Variants in IGDCC3 observed in about 807,000 individuals in gnomAD.
The protein encoded by IGDCC3 is putative neuronal cell adhesion molecule.
A neutral mutation model predicts 72.0 loss-of-function variants in IGDCC3; 47 were observed. The ratio of observed to expected loss-of-function variants is 0.65; its 90% CI spans 0.52 to 0.83. The LOEUF (loss-of-function observed/expected upper bound fraction) is 0.83. IGDCC3 is among the 40% of genes least tolerant of loss of function. IGDCC3 has a pLI of 0.00. For missense variants in IGDCC3, 1,038 were observed against 1,091.3 expected (o/e 0.95, Z 0.69); for synonymous variants, 477 against 472.8 (o/e 1.01, Z -0.11).
At chr15:65,337,241 T>C (rs1003881159) in intron 2 of IGDCC3, among the ~76,000 whole-genome samples, 8 of 152,246 alleles carry the variant, frequency 5.3e-5, no homozygotes, top group Non-Finnish European at 1.2e-4. Context: ...CATTTGCATG[T>C]GGTTCATTAA....
chr15:65,355,941 C>A (rs1043182010), intron 2 of IGDCC3: 2 of 297,994 alleles, frequency 6.7e-6, no homozygotes, highest in Admixed American at 7.6e-5. Context: ...GAAGCGGTGC[C>A]TGTCTCCCCG....
At chr15:65,342,912 C>T (rs1391207326) in intron 2 of IGDCC3, among the ~76,000 whole-genome samples, 1 of 152,062 alleles carries the variant, frequency 6.6e-6, no homozygotes, top group African/African-American at 2.4e-5. Flanking sequence ...GGGTTCACCT[C>T]GACCTCTTGG....
In IGDCC3 at chr15:65,345,589, C is replaced by T. The variant is rs1050770465; in HGVS notation, c.410-9633G>A. ...ACACACACACACACACGCACACACA[C>T]GCATGCACACACAGACACGCACAAA... On this transcript the variant is annotated intron_variant, in intron 2 of 13. Coordinates refer to ENST00000327987, the MANE Select transcript of IGDCC3 (RefSeq NM_004884.4). Among the ~76,000 whole-genome samples, 31 of 150,680 alleles carry T rather than the reference C, an allele frequency of 2.1e-4. No homozygotes were observed. The South Asian group carries it at 2.9e-3, about 14-fold the overall frequency.
At chr15:65,330,489 T>A (rs1200516621) in intron 10 of IGDCC3, 61 bp downstream of exon 10, 53 of 1,582,362 alleles carry the variant, frequency 3.3e-5, no homozygotes, top group Non-Finnish European at 4.1e-5. Context: ...GTACGCCACC[T>A]CCTGGCCCTC....
rs755980009 is a variant in IGDCC3, at chr15:65,329,690, C to A, written c.1997+36G>T. ...CCTTCTCTAGGCCTAGTCCCCCACACACCAGCCCAGCCCCTCTCCCTGGCC... is the reference window on the plus strand; with the variant it reads ...CCTTCTCTAGGCCTAGTCCCCCACAAACCAGCCCAGCCCCTCTCCCTGGCC... On this transcript the variant is annotated intron_variant, in intron 12 of 13. Coordinates refer to ENST00000327987, the MANE Select transcript of IGDCC3 (RefSeq NM_004884.4). This position sits in a 1 kb window ranked among gnomAD's most constrained non-coding sequence, Gnocchi z 4.1. 1 of 1,613,576 alleles carries A rather than the reference C, an allele frequency of 6.2e-7. No individual in the cohort carries two copies. The highest frequency in any genetic ancestry group is 2.2e-5 in the East Asian group (1 of 44,880).
intron 2 of IGDCC3, among the ~76,000 whole-genome samples, chr15:65,363,758 T>C (rs1429135556): frequency 6.6e-6 from 1 of 152,050 alleles, no homozygotes; most frequent in Non-Finnish European, 1.5e-5. Flanking sequence ...AGAGTAATTA[T>C]GACAGATGTG....
intron 2 of IGDCC3, among the ~76,000 whole-genome samples, chr15:65,352,035 G>C (rs929347166): frequency 1.3e-5 from 2 of 152,174 alleles, no homozygotes; most frequent in East Asian, 3.8e-4. Context: ...CATTAGAATA[G>C]AGGAAACAAC....
intron 2 of IGDCC3, among the ~76,000 whole-genome samples, chr15:65,346,426 C>T (rs892082473): frequency 3.3e-5 from 5 of 150,916 alleles, no homozygotes; most frequent in Admixed American, 6.6e-5. Context: ...ATGCTAGTGG[C>T]GTCCATGGAG....
At position 65,375,338 on chromosome 15, in the gene IGDCC3, C is replaced by T; in HGVS notation, c.168G>A (p.Gly56=). The T allele has an allele frequency of 6.2e-7, 1 of 1,611,098 alleles. No individual in the cohort carries two copies. Among genetic ancestry groups the T allele is most frequent in the Non-Finnish European group, 8.5e-7 (1 of 1,177,894 alleles). Residue 56 remains glycine, a synonymous_variant, in exon 2 of 14, where the codon GGG becomes GGA. Transcript: ENST00000327987. ...CCCTGCAGTCCAGCACTATAGGCTG[C>T]CCGGGGACGGCAACATCATCACTTG... ...VEPSDDVAVP[G]QPIVLDCRVE...
At chr15:65,370,560 A>ATATATATATGTATG (rs1326175110) in intron 2 of IGDCC3, among the ~76,000 whole-genome samples, 3 of 130,208 alleles carry the variant, frequency 2.3e-5, no homozygotes, top group Non-Finnish European at 3.1e-5. Flanking sequence ...GTGTGTGTGT[A>ATATATATATGTATG]TATATATATG....
At position 65,377,743 on chromosome 15, in the gene IGDCC3, G is replaced by T; in HGVS notation, c.46C>A (p.Leu16Ile). 7.6e-7 allele frequency: 1 copy of T among 1,322,836 alleles called. No individual in the cohort carries two copies. Among genetic ancestry groups the T allele is most frequent in the Non-Finnish European group, 9.6e-7 (1 of 1,042,130 alleles). The allele number at this position is 1,322,836 out of a possible 1,614,324, so 81.9% of individuals were successfully genotyped here. A position where few individuals can be genotyped will look rare whatever the true frequency, so the allele number is the denominator to read the frequency against. Residue 16 changes from leucine to isoleucine, a missense_variant, in exon 1 of 14, where the codon CTC becomes ATC. Leu to Ile is a conservative substitution (Grantham distance 5, BLOSUM62 2). Coordinates refer to ENST00000327987, the MANE Select transcript of IGDCC3 (RefSeq NM_004884.4). This position sits in a 1 kb window ranked among gnomAD's most constrained non-coding sequence, Gnocchi z 4.9. ...AGCGGCAGCAGGAGCCGGGGCCAGA[G>T]CGGGGCGGGCGGGCGGCGCGGAGAC... ...AASPRRPPAP[L>I]WPRLLLPLLL...
intron 2 of IGDCC3, among the ~76,000 whole-genome samples, chr15:65,358,161 G>A (rs1464834572): frequency 6.6e-6 from 1 of 150,414 alleles, no homozygotes; most frequent in Admixed American, 6.6e-5. Flanking sequence ...GCTGGAGTAC[G>A]GTGGCGTGAT....
chr15:65,361,151 C>T (rs1259826111), intron 2 of IGDCC3, among the ~76,000 whole-genome samples: 1 of 152,020 alleles, frequency 6.6e-6, no homozygotes, highest in Non-Finnish European at 1.5e-5. Context: ...TCTGGCCTAC[C>T]GGCACAGTGG....
Position 65,329,125 on chromosome 15 carries a change from C to G in IGDCC3, c.2229G>C (p.Pro743=). The change falls in exon 14 of 14, where the codon CCG becomes CCC. Residue 743 remains proline (P), a synonymous_variant. Transcript: ENST00000327987. This position sits in a 1 kb window ranked among gnomAD's most constrained non-coding sequence, Gnocchi z 4.1. ...GCACGGAGAGCTGGGTCTCCTCACA[C>G]GGAGCGGGGGCTGCAGGATCCTGCT... ...RPTQDPAAPA[P]CEETQLSVLP... 1 of 1,609,866 alleles carries G rather than the reference C, an allele frequency of 6.2e-7. No individual in the cohort carries two copies. Among genetic ancestry groups the G allele is most frequent in the Non-Finnish European group, 8.5e-7 (1 of 1,178,692 alleles).
At chr15:65,354,186 G>A (rs1444223787) in intron 2 of IGDCC3, among the ~76,000 whole-genome samples, 9 of 152,164 alleles carry the variant, frequency 5.9e-5, no homozygotes, top group African/African-American at 9.7e-5. Context: ...GATTATAGCC[G>A]TGAGCCACTG....
chr15:65,353,190 CT>C (rs575582153), intron 2 of IGDCC3, among the ~76,000 whole-genome samples: 6,232 of 144,244 alleles, frequency 0.043, 224 homozygotes, highest in East Asian at 0.11. Flanking sequence ...GACAAGCGTA[CT>C]TTTTTTTTTT....
At position 65,331,426 on chromosome 15, in the gene IGDCC3, A is replaced by G. The variant is rs1408203742; in HGVS notation, c.1382T>C (p.Ile461Thr). The change falls in exon 8 of 14, where the codon ATC becomes ACC. Residue 461 changes from isoleucine (I) to threonine (T), a missense_variant. Ile to Thr is a moderately conservative substitution (Grantham distance 89, BLOSUM62 -1). Transcript: ENST00000327987. ...TKEIIGYVLH[I>T]RKAADPPELE... is the part of the protein sequence containing the mutation. Reference sequence around the variant, plus strand: ...GCCACGCGCACCAGCAGCCTTCCTGATGTGCAGGACGTAGCCGATGATCTC... The same window carrying G: ...GCCACGCGCACCAGCAGCCTTCCTGGTGTGCAGGACGTAGCCGATGATCTC... 2 of 1,605,910 alleles carry G rather than the reference A, an allele frequency of 1.2e-6. No individual in the cohort carries two copies. The highest frequency in any genetic ancestry group is 2.7e-5 in the African/African-American group (2 of 74,806).
At chr15:65,375,458 TC>T (rs1271081910) in intron 1 of IGDCC3, 56 bp from the exon 2 acceptor site, 2 of 1,413,860 alleles carry the variant, frequency 1.4e-6, no homozygotes, top group African/African-American at 2.8e-5. Flanking sequence ...GAAATGAACA[TC>T]CAGGAAGAAC....
At chr15:65,343,236 TGA>T (rs1202950594) in intron 2 of IGDCC3, among the ~76,000 whole-genome samples, 1 of 152,116 alleles carries the variant, frequency 6.6e-6, no homozygotes, top group African/African-American at 2.4e-5. Flanking sequence ...AAAAGGGAAC[TGA>T]GAGATTGTGG....
Sources: allele counts gnomAD v4.1 joint callset (sites outside exome capture counted in the v4.1 genomes callset), GRCh38; gene constraint gnomAD v4.1.1; non-coding constraint Gnocchi (gnomAD v3.1); transcripts MANE v1.5; gene names NCBI Gene and HGNC (gene_info 2026-07-23, HGNC 2026-07-21).